The following MDGA2 variants were observed in gnomAD, a reference collection of about 807,000 sequenced individuals.
MDGA2 encodes MAM domain containing glycosylphosphatidylinositol anchor 2.
A neutral mutation model predicts 117.8 loss-of-function variants in MDGA2; 40 were observed. The observed-to-expected ratio is 0.34, with a 90% CI of 0.26 to 0.44. The LOEUF (loss-of-function observed/expected upper bound fraction) is 0.44, where lower values mean the gene tolerates loss of function less well. Among genes scored for constraint, MDGA2 ranks in the 20% least tolerant of loss-of-function variants. MDGA2 has a pLI of 1.00. For synonymous variants in MDGA2, 452 were observed against 439.0 expected, an observed-to-expected ratio of 1.03 and a Z score of -0.37; for missense variants, 1,123 against 1,250.6, an observed-to-expected ratio of 0.90 and a Z score of 1.54.
In MDGA2 at chr14:47,674,848, GAC is replaced by G. The variant is rs1441735872; in HGVS notation, c.-54_-53del. 5.1e-6 allele frequency: 3 copies of G among 592,252 alleles called. No homozygotes were observed. Among genetic ancestry groups the G allele is most frequent in the Admixed American group, 3.3e-5 (1 of 30,410 alleles). 36.7% of individuals were successfully genotyped at this position (592,252 alleles called of 1,614,324 possible). On this transcript the variant is annotated 5_prime_UTR_variant, in exon 1 of 17. Coordinates refer to ENST00000399232, the MANE Select transcript of MDGA2 (RefSeq NM_001113498.3). ...ACACTCTCCCACAACACAATACCCTGACACACACTCACACGCACGCCGCACTC... is the reference window on the plus strand; with the variant it reads ...ACACTCTCCCACAACACAATACCCTGACACACTCACACGCACGCCGCACTC...
At chr14:47,283,413 T>A (rs1888567341) in intron 2 of MDGA2, among the ~76,000 whole-genome samples, 1 of 152,374 alleles carries the variant, frequency 6.6e-6, no homozygotes, top group African/African-American at 2.4e-5. Flanking sequence ...AAAATTTTAA[T>A]ATTTGGTGAT....
At chr14:47,399,616 A>G (rs992007953) in intron 1 of MDGA2, among the ~76,000 whole-genome samples, 1 of 152,068 alleles carries the variant, frequency 6.6e-6, no homozygotes, top group Non-Finnish European at 1.5e-5. Flanking sequence ...CACATAACAC[A>G]TTTATAGCTG....
intron 1 of MDGA2, among the ~76,000 whole-genome samples, chr14:47,567,198 GC>G (rs1895936064): frequency 6.6e-6 from 1 of 151,888 alleles, no homozygotes; most frequent in African/African-American, 2.4e-5. Context: ...ATCATGCCCA[GC>G]CCAATAAAGT....
chr14:47,175,073 C>T (rs957184019), intron 3 of MDGA2, among the ~76,000 whole-genome samples: 61 of 152,002 alleles, frequency 4.0e-4, no homozygotes, highest in African/African-American at 1.3e-3. Context: ...TTCCTCGACA[C>T]ATACACCCAC....
rs147834730 is a variant in MDGA2, at chr14:47,136,446, C to G, written c.793-4600G>C. ...TCCTGGCCTCAAGTGATCTGCCTGCCTTGGCCTCCCAAAGTGCTGGGATTA... is the reference window on the plus strand; with the variant it reads ...TCCTGGCCTCAAGTGATCTGCCTGCGTTGGCCTCCCAAAGTGCTGGGATTA... On this transcript the variant is annotated intron_variant, in intron 4 of 16. Transcript: ENST00000399232. 5.0e-3 allele frequency among the ~76,000 whole-genome samples: 763 copies of G among 152,174 alleles called. 7 individuals carry two copies. The highest frequency in any genetic ancestry group is 6.8e-3 in the Middle Eastern group (2 of 294).
chr14:47,611,041 C>A (rs1896838485), intron 1 of MDGA2, among the ~76,000 whole-genome samples: 1 of 151,718 alleles, frequency 6.6e-6, no homozygotes, highest in Admixed American at 6.6e-5. Flanking sequence ...AATAGAGAAC[C>A]CAGAAGTAAA....
chr14:47,552,814 CT>C (rs1174811939), intron 1 of MDGA2, among the ~76,000 whole-genome samples: 2 of 152,070 alleles, frequency 1.3e-5, no homozygotes, highest in Non-Finnish European at 2.9e-5. Context: ...CTAATCTTGC[CT>C]TTTTTCAGTC....
At chr14:47,194,886 T>C (rs1885234793) in intron 3 of MDGA2, among the ~76,000 whole-genome samples, 1 of 152,110 alleles carries the variant, frequency 6.6e-6, no homozygotes, top group Admixed American at 6.6e-5. Flanking sequence ...GCCTTTCCCA[T>C]AGCCATTTAG....
chr14:47,066,329 T>G (rs182146283), intron 6 of MDGA2, among the ~76,000 whole-genome samples: 38 of 152,332 alleles, frequency 2.5e-4, no homozygotes, highest in African/African-American at 7.7e-4. Context: ...CAAATGCCAA[T>G]TGTTTCCATT....
intron 3 of MDGA2, among the ~76,000 whole-genome samples, chr14:47,151,345 C>T (rs1952220): frequency 0.87 from 132,975 of 152,232 alleles, 58,359 homozygotes; most frequent in East Asian, 0.97. Flanking sequence ...CTGAGGACAA[C>T]TCCATTAGAA....
chr14:47,273,911 A>G (rs1279628595), intron 2 of MDGA2, among the ~76,000 whole-genome samples: 1 of 152,128 alleles, frequency 6.6e-6, no homozygotes, highest in Non-Finnish European at 1.5e-5. Context: ...ATAAAGATTG[A>G]CATATGAGGA....
At chr14:47,320,780 T>C (rs1197675521) in intron 1 of MDGA2, among the ~76,000 whole-genome samples, 14 of 152,172 alleles carry the variant, frequency 9.2e-5, no homozygotes, top group Admixed American at 7.9e-4. Flanking sequence ...TCTGAATTTA[T>C]ATCAATAATC....
intron 8 of MDGA2, among the ~76,000 whole-genome samples, chr14:46,987,640 T>G (rs1366427907): frequency 1.3e-5 from 2 of 152,054 alleles, no homozygotes. Flanking sequence ...CGTTTTTGTT[T>G]AATTAAGCTC....
At chr14:47,304,095 G>A (rs566027091) in intron 1 of MDGA2, among the ~76,000 whole-genome samples, 47 of 152,196 alleles carry the variant, frequency 3.1e-4, no homozygotes, top group African/African-American at 1.1e-3. Context: ...TTTAAGTGTG[G>A]AAGTTGTCTT....
chr14:47,085,236 G>A (rs1480383814), intron 6 of MDGA2, among the ~76,000 whole-genome samples: 3 of 152,064 alleles, frequency 2.0e-5, no homozygotes, highest in Non-Finnish European at 4.4e-5. Context: ...TCAAATCACT[G>A]CTTTAAAAAT....
At position 47,674,819 on chromosome 14, in the gene MDGA2, TCA is replaced by T. The variant is rs898246661; in HGVS notation, c.-25_-24del. The stretch of plus-strand genomic sequence containing the variant: ...CATGCACACACACACTCACACACAC[TCA>T]CACACTCTCCCACAACACAATACCC... On this transcript the variant is annotated 5_prime_UTR_variant, in exon 1 of 17. Coordinates refer to ENST00000399232, the MANE Select transcript of MDGA2 (RefSeq NM_001113498.3). The T allele has an allele frequency of 7.8e-6, 5 of 641,804 alleles. No individual in the cohort carries two copies. The highest frequency in any genetic ancestry group is 5.1e-5 in the South Asian group (3 of 58,522). The allele number at this position is 641,804 out of a possible 1,614,324, so 39.8% of individuals were successfully genotyped here. A position where few individuals can be genotyped will look rare whatever the true frequency, so the allele number is the denominator to read the frequency against.
In MDGA2 at chr14:46,884,693, C is replaced by T. The variant is rs370292180; in HGVS notation, c.2239-2472G>A. Among the ~76,000 whole-genome samples the T allele has an allele frequency of 3.7e-4, 56 of 152,012 alleles. 3 individuals are homozygous for T. The South Asian group carries it at 7.9e-3, about 21-fold the overall frequency. On this transcript the variant is annotated intron_variant, in intron 10 of 16. Transcript: ENST00000399232. The surrounding 1 kb of genome is among the most constrained non-coding windows in gnomAD (Gnocchi z 4.1). ...AATATATACCATTCAATTGGTTATG[C>T]ATATGGAAAAAAACCACTTGAATTG...
In MDGA2 at chr14:47,540,491, CGT is replaced by C. The variant is rs1231981211; in HGVS notation, c.280+134024_280+134025del. ...CCTATTTTTTCTTTCTGTGTGTATA[CGT>C]GTGTGTGTTTGTATATGTATATGTA... On this transcript the variant is annotated intron_variant, in intron 1 of 16. Coordinates refer to ENST00000399232, the MANE Select transcript of MDGA2 (RefSeq NM_001113498.3). Among the ~76,000 whole-genome samples the C allele has an allele frequency of 3.3e-3, 466 of 140,198 alleles. 2 individuals carry two copies. The highest frequency in any genetic ancestry group is 0.011 in the African/African-American group (434 of 38,296). 92.0% of individuals were successfully genotyped at this position (140,198 alleles called of 152,430 possible).
At chr14:47,160,420 G>C (rs905284846) in intron 3 of MDGA2, among the ~76,000 whole-genome samples, 3 of 152,098 alleles carry the variant, frequency 2.0e-5, no homozygotes, top group Admixed American at 2.0e-4. Flanking sequence ...AAGCAGCTGA[G>C]AAGTGGCTCA....
Sources: gnomAD v4.1 joint callset for allele counts (sites outside exome capture counted in the v4.1 genomes callset) on GRCh38, gnomAD v4.1.1 for gene constraint, Gnocchi (gnomAD v3.1) non-coding constraint, MANE v1.5 for transcripts, NCBI Gene and HGNC (gene_info 2026-07-23, HGNC 2026-07-21) for gene names.